Variants in TBKBP1 observed in about 807,000 individuals in gnomAD.
TBKBP1 encodes the protein TANK-binding kinase 1-binding protein 1.
A neutral mutation model predicts 69.9 loss-of-function variants in TBKBP1; 47 were observed. The observed-to-expected ratio is 0.67, with a 90% CI of 0.53 to 0.86. TBKBP1 has a LOEUF of 0.86. TBKBP1 is among the 40% of genes least tolerant of loss of function. The pLI, the probability that TBKBP1 is intolerant of heterozygous loss-of-function variation, is 0.00. For synonymous variants in TBKBP1, 418 were observed against 390.3 expected (o/e 1.07, Z -0.84); for missense variants, 831 against 858.6 (o/e 0.97, Z 0.40).
intron 2 of TBKBP1, 48 bp from the exon 3 acceptor site, chr17:47,696,663 G>A (rs747543763): frequency 6.2e-6 from 10 of 1,613,318 alleles, no homozygotes; most frequent in Non-Finnish European, 8.5e-6. Context: ...TGAGGCCTGG[G>A]CTGGGCACCC....
At chr17:47,702,069 C>T (rs1305177789) in intron 7 of TBKBP1, among the ~76,000 whole-genome samples, 1 of 152,202 alleles carries the variant, frequency 6.6e-6, no homozygotes, top group Non-Finnish European at 1.5e-5. Flanking sequence ...CAGAGGAAGT[C>T]CTCACTACCC....
At chr17:47,702,283 G>A (rs2031536421) in intron 7 of TBKBP1, among the ~76,000 whole-genome samples, 1 of 152,144 alleles carries the variant, frequency 6.6e-6, no homozygotes, top group Admixed American at 6.5e-5. Flanking sequence ...CGGGAGTGGA[G>A]TGAGTGTCGA....
At chr17:47,705,432 C>G (rs1249343572) in intron 7 of TBKBP1, among the ~76,000 whole-genome samples, 1 of 152,210 alleles carries the variant, frequency 6.6e-6, no homozygotes, top group African/African-American at 2.4e-5. Context: ...AGCACTCAAA[C>G]AGATCATCCG....
Position 47,696,096 on chromosome 17 carries a change from G to T in TBKBP1, c.-17G>T. 2 of 1,593,548 alleles carry T rather than the reference G, an allele frequency of 1.3e-6. No individual in the cohort carries two copies. On this transcript the variant is annotated 5_prime_UTR_variant, in exon 2 of 10. Coordinates refer to ENST00000578982, the MANE Select transcript of TBKBP1 (RefSeq NM_001394755.1). The stretch of plus-strand genomic sequence containing the variant: ...TCTCCTAGGAGGCCCCGTGTGGGCC[G>T]CGGCCCGGCCCTCACCATGGAGTCC...
chr17:47,709,390 G>C lies in TBKBP1; in HGVS notation c.1657G>C (p.Glu553Gln), dbSNP rs1040456009. 1 of 1,533,544 alleles carries C rather than the reference G, an allele frequency of 6.5e-7. No individual in the cohort carries two copies. The highest frequency in any genetic ancestry group is 1.4e-5 in the African/African-American group (1 of 71,662). The allele number at this position is 1,533,544 out of a possible 1,614,324, so 95.0% of individuals were successfully genotyped here. Residue 553 changes from glutamate to glutamine, a missense_variant, in exon 9 of 10, where the codon GAG (glutamate) becomes CAG (glutamine). Physicochemically the swap from Glu to Gln is conservative, Grantham distance 29. Coordinates refer to ENST00000578982, the MANE Select transcript of TBKBP1 (RefSeq NM_001394755.1). ...ASFCAGFPIP[E>Q]SPAATAYAHA... ...CTTCTGCGCGGGCTTCCCCATCCCC[G>C]AGTCGCCCGCCGCCACCGCCTACGC...
At chr17:47,709,530 G>T (rs2031850348) in intron 9 of TBKBP1, 78 bp downstream of exon 9, 2 of 1,413,824 alleles carry the variant, frequency 1.4e-6, no homozygotes, top group Non-Finnish European at 1.8e-6. Flanking sequence ...CCTCCGTTGA[G>T]GGCCTTGCCC....
rs1485487315 is a variant in TBKBP1 at position 47,708,697 on chromosome 17, C to G, written c.992-28C>G. 79 of 1,481,152 alleles carry G rather than the reference C, an allele frequency of 5.3e-5. No homozygotes were observed. The highest frequency in any genetic ancestry group is 7.0e-5 in the Non-Finnish European group (78 of 1,121,278). 91.8% of individuals were successfully genotyped at this position (1,481,152 alleles called of 1,614,324 possible). On this transcript the variant is annotated intron_variant, in intron 8 of 9. Transcript: ENST00000578982. This position sits in a 1 kb window ranked among gnomAD's most constrained non-coding sequence, Gnocchi z 4.4. The stretch of plus-strand genomic sequence containing the variant: ...AGGTCTTCTCTCTGCACCTTTGTCC[C>G]CCCACCCCGTCCCGGTTTCTCTTCC...
In TBKBP1 at chr17:47,709,049, T is replaced by C. The variant is rs1021513201; in HGVS notation, c.1316T>C (p.Leu439Pro). ...PPPPPPGERT[L>P]AERAYAKPPS... ...CCGCCCCCGCCGGGCGAGAGGACGCTGGCCGAGCGCGCCTACGCCAAGCCG... is the reference window on the plus strand; with the variant it reads ...CCGCCCCCGCCGGGCGAGAGGACGCCGGCCGAGCGCGCCTACGCCAAGCCG... Residue 439 changes from leucine to proline, a missense_variant, in exon 9 of 10, where the codon CTG becomes CCG. Transcript: ENST00000578982. 2 of 1,308,846 alleles carry C rather than the reference T, an allele frequency of 1.5e-6. No homozygotes were observed. Among genetic ancestry groups the C allele is most frequent in the African/African-American group, 1.6e-5 (1 of 62,798 alleles). The allele number at this position is 1,308,846 out of a possible 1,614,324, so 81.1% of individuals were successfully genotyped here.
intron 4 of TBKBP1, among the ~76,000 whole-genome samples, chr17:47,697,872 C>T (rs915197617): frequency 1.3e-5 from 2 of 150,216 alleles, no homozygotes; most frequent in Admixed American, 6.6e-5. Context: ...TCGCTTTAGC[C>T]CAGGAGATCG....
chr17:47,695,786 C>A, intron 1 of TBKBP1: 1 of 272,368 alleles, frequency 3.7e-6, no homozygotes, highest in Non-Finnish European at 7.0e-6. Flanking sequence ...CCACAGGTCT[C>A]CCTGGGTTCT....
In TBKBP1 at chr17:47,699,381, T is replaced by C. The variant is rs752627411; in HGVS notation, c.696T>C (p.Ala232=). ...SDLERRRLEE[A]LEAAQGEARG... The stretch of plus-strand genomic sequence containing the variant: ...TGGAGCGGCGGCGGCTAGAAGAGGC[T>C]TTGGAGGCCGCGCAGGGAGAGGCCC... The change falls in exon 6 of 10, where the codon GCT becomes GCC. Residue 232 remains alanine, a synonymous_variant. Coordinates refer to ENST00000578982, the MANE Select transcript of TBKBP1 (RefSeq NM_001394755.1). 2 of 1,565,656 alleles carry C rather than the reference T, an allele frequency of 1.3e-6. No individual in the cohort carries two copies. The highest frequency in any genetic ancestry group is 2.4e-5 in the South Asian group (2 of 84,900).
intron 7 of TBKBP1, among the ~76,000 whole-genome samples, chr17:47,700,263 A>ACAG (rs2031442750): frequency 7.8e-6 from 1 of 128,324 alleles, no homozygotes; most frequent in Admixed American, 8.4e-5. Flanking sequence ...TGCTGGGATT[A>ACAG]TAGGAGTGAG....
intron 7 of TBKBP1, among the ~76,000 whole-genome samples, chr17:47,705,280 T>C (rs2031658013): frequency 6.6e-6 from 1 of 152,236 alleles, no homozygotes; most frequent in Non-Finnish European, 1.5e-5. Flanking sequence ...CCATTGCTAG[T>C]AGGCTTTATG....
chr17:47,703,455 G>A (rs916508484), intron 7 of TBKBP1, among the ~76,000 whole-genome samples: 2 of 152,160 alleles, frequency 1.3e-5, no homozygotes, highest in African/African-American at 4.8e-5. Context: ...GTCTCCTTCG[G>A]CCAGGGCACC....
Position 47,709,153 on chromosome 17 carries a change from G to T in TBKBP1, c.1420G>T (p.Ala474Ser). The T allele has an allele frequency of 7.1e-7, 1 of 1,407,722 alleles. No individual in the cohort carries two copies. The highest frequency in any genetic ancestry group is 1.5e-5 in the South Asian group (1 of 66,982). The allele number at this position is 1,407,722 out of a possible 1,614,324, so 87.2% of individuals were successfully genotyped here. A position where few individuals can be genotyped will look rare whatever the true frequency, so the allele number is the denominator to read the frequency against. The stretch of plus-strand genomic sequence containing the variant: ...GGCGGAGGGCGCGGCCTACGCGGGC[G>T]CCTCCCCGCCCTGGCTGCAGGCCGA... Reference protein sequence around the residue: ...ELAEGAAYAGASPPWLQAEAA... With the variant: ...ELAEGAAYAGSSPPWLQAEAA... Residue 474 changes from alanine (A) to serine (S), a missense_variant, in exon 9 of 10, where the codon GCC becomes TCC. Physicochemically the swap from Ala to Ser is moderately conservative, Grantham distance 99 (BLOSUM62 1). Coordinates refer to ENST00000578982, the MANE Select transcript of TBKBP1 (RefSeq NM_001394755.1).
chr17:47,699,033 GC>G (rs2031375426), intron 5 of TBKBP1, among the ~76,000 whole-genome samples: 1 of 151,102 alleles, frequency 6.6e-6, no homozygotes, highest in Non-Finnish European at 1.5e-5. Context: ...GAGTCCCCCC[GC>G]CCCGTCTCTG....
Position 47,695,937 on chromosome 17 carries a change from A to G in TBKBP1, c.-34-142A>G, listed in dbSNP as rs1247601920. ...GGGCTGAGGAGTCTGGGAAGGGGCC[A>G]TGGGAGTCCCTGCTGAGCTCGGGGC... On this transcript the variant is annotated intron_variant, in intron 1 of 9. Coordinates refer to ENST00000578982, the MANE Select transcript of TBKBP1 (RefSeq NM_001394755.1). 6.8e-6 allele frequency: 4 copies of G among 589,118 alleles called. No homozygotes were observed. The South Asian group carries it at 8.6e-5, about 13-fold the overall frequency. 36.5% of individuals were successfully genotyped at this position (589,118 alleles called of 1,614,324 possible).
At chr17:47,695,766 C>G (rs2031202714) in intron 1 of TBKBP1, 1 of 235,322 alleles carries the variant, frequency 4.2e-6, no homozygotes, top group South Asian at 1.1e-4. Flanking sequence ...GGAAGGCAGC[C>G]CTCTCCCATC....
At chr17:47,697,028 C>A in intron 3 of TBKBP1, 61 bp from the exon 4 acceptor site, 1 of 1,552,274 alleles carries the variant, frequency 6.4e-7, no homozygotes, top group Non-Finnish European at 8.7e-7. Flanking sequence ...GCAGGGAGCT[C>A]TCCAACTCCA....
Sources: allele counts gnomAD v4.1 joint callset (sites outside exome capture counted in the v4.1 genomes callset), GRCh38; gene constraint gnomAD v4.1.1; non-coding constraint Gnocchi (gnomAD v3.1); transcripts MANE v1.5; gene names NCBI Gene and HGNC (gene_info 2026-07-23, HGNC 2026-07-21).